KIF3A: variants seen among roughly 807,000 people sequenced by gnomAD.
KIF3A encodes the protein kinesin family member 3A, also known as kinesin-like protein KIF3A.
Under a neutral mutation model 92.6 loss-of-function variants are expected in KIF3A, and 27 were observed. That is an observed-to-expected ratio of 0.29 (90% CI 0.21 to 0.40). KIF3A has a LOEUF of 0.40. Ranked by LOEUF, KIF3A falls within the 10% of genes least tolerant of loss-of-function variation. KIF3A has a pLI of 1.00. For missense variants in KIF3A, 581 were observed against 872.6 expected, an observed-to-expected ratio of 0.67 and a Z score of 4.21; for synonymous variants, 250 against 275.4, an observed-to-expected ratio of 0.91 and a Z score of 0.92.
intron 15 of KIF3A, 45 bp from the exon 16 acceptor site, chr5:132,700,745 A>G (rs766583871): frequency 1.6e-6 from 2 of 1,218,204 alleles, no homozygotes; most frequent in Non-Finnish European, 2.4e-6. Context: ...ATTTAATAAC[A>G]TCTAAAATAT....
Position 132,696,456 on chromosome 5 carries a change from GTTATA to G in KIF3A, c.*173_*177del. On this transcript the variant is annotated 3_prime_UTR_variant, in exon 19 of 19. Transcript: ENST00000403231. The stretch of plus-strand genomic sequence containing the variant: ...CAATCACCAGTTGTACAATTTTAAT[GTTATA>G]TTAATATATGTAGACTAAAAGTTCT... 5.4e-6 allele frequency: 3 copies of G among 550,710 alleles called. No homozygotes were observed. Among genetic ancestry groups the G allele is most frequent in the East Asian group, 3.0e-5 (1 of 33,854 alleles). 34.1% of individuals were successfully genotyped at this position (550,710 alleles called of 1,614,324 possible). A position where few individuals can be genotyped will look rare whatever the true frequency, so the allele number is the denominator to read the frequency against.
Position 132,730,514 on chromosome 5 carries a change from CG to C in KIF3A, c.280+3690del, listed in dbSNP as rs1754192775. The stretch of plus-strand genomic sequence containing the variant: ...AAAAAATAGATAACCTGGCCGGGCA[CG>C]GTAGCTCATGTCTGTAATCCCAGTG... On this transcript the variant is annotated intron_variant, in intron 2 of 18. Transcript: ENST00000403231. Among the ~76,000 whole-genome samples the C allele has an allele frequency of 4.0e-5, 6 of 150,876 alleles. 2 individuals are homozygous for C. In the South Asian group the frequency reaches 1.3e-3, roughly 32 times the overall value.
rs543368160 is a variant in KIF3A, at chr5:132,714,193, C to T, written c.1129+1564G>A. 3.3e-5 allele frequency among the ~76,000 whole-genome samples: 5 copies of T among 152,024 alleles called. No individual in the cohort carries two copies. In the East Asian group the frequency reaches 5.8e-4, roughly 18 times the overall value. Reference sequence around the variant, plus strand: ...ATTACAAGCGTGAGCCACTGCGCCCCACCAATTCCGCTTTCGTAAGATACC... The same window carrying T: ...ATTACAAGCGTGAGCCACTGCGCCCTACCAATTCCGCTTTCGTAAGATACC... On this transcript the variant is annotated intron_variant, in intron 8 of 18. Transcript: ENST00000403231.
Position 132,716,237 on chromosome 5 carries a change from AG to A in KIF3A, c.954+7del, listed in dbSNP as rs1753617179. On this transcript the variant is annotated splice_region_variant and intron_variant, in intron 7 of 18. Transcript: ENST00000403231. ...CTGATGTTAACTATATCACCAATTA[AG>A]TCTTACCATCATGGTTTTTGAATTT... The A allele has an allele frequency of 6.2e-7, 1 of 1,603,600 alleles. No individual in the cohort carries two copies. The highest frequency in any genetic ancestry group is 1.3e-5 in the African/African-American group (1 of 74,698).
At chr5:132,724,034 C>A (rs1181747194) in intron 4 of KIF3A, among the ~76,000 whole-genome samples, 5 of 152,078 alleles carry the variant, frequency 3.3e-5, no homozygotes, top group Non-Finnish European at 5.9e-5. Flanking sequence ...ATGCAGCCAA[C>A]AGACACATGA....
intron 8 of KIF3A, among the ~76,000 whole-genome samples, chr5:132,713,692 C>G (rs1753510193): frequency 6.6e-6 from 1 of 152,014 alleles, no homozygotes; most frequent in African/African-American, 2.4e-5. Flanking sequence ...CAGCATTATT[C>G]ACAATAGCCA....
At chr5:132,707,130 CTT>C (rs796197058) in intron 10 of KIF3A, among the ~76,000 whole-genome samples, 2 of 144,046 alleles carry the variant, frequency 1.4e-5, no homozygotes, top group African/African-American at 2.5e-5. Context: ...GGATTAAGGG[CTT>C]TTTTTTTTTT....
At chr5:132,710,137 G>A (rs1336783708) in intron 9 of KIF3A, among the ~76,000 whole-genome samples, 1 of 152,114 alleles carries the variant, frequency 6.6e-6, no homozygotes, top group Non-Finnish European at 1.5e-5. Context: ...ATAATAAACA[G>A]TCTTAATTCA....
At chr5:132,726,063 A>C in intron 4 of KIF3A, 65 bp downstream of exon 4, 1 of 1,122,618 alleles carries the variant, frequency 8.9e-7, no homozygotes, top group Non-Finnish European at 1.3e-6. Context: ...AAGAAGGGGG[A>C]CCTTAATTTA....
chr5:132,711,458 G>A (rs1236556031), intron 8 of KIF3A, among the ~76,000 whole-genome samples: 1 of 152,182 alleles, frequency 6.6e-6, no homozygotes, highest in East Asian at 1.9e-4. Context: ...TGGGCTTGGT[G>A]GCATGCACCT....
intron 8 of KIF3A, among the ~76,000 whole-genome samples, chr5:132,714,686 T>C (rs1753557630): frequency 1.3e-5 from 2 of 152,294 alleles, no homozygotes; most frequent in African/African-American, 4.8e-5. Context: ...GAAAAATTTC[T>C]AGAAATGAAT....
chr5:132,691,078 T>C (rs565446248), downstream of KIF3A, among the ~76,000 whole-genome samples: 9 of 152,338 alleles, frequency 5.9e-5, no homozygotes, highest in East Asian at 1.5e-3. Context: ...ATAACCCAAG[T>C]AATGTTATTG....
chr5:132,719,331 AT>A lies in KIF3A; in HGVS notation c.616+1277del, dbSNP rs755180970. Among the ~76,000 whole-genome samples, 9 of 151,944 alleles carry A rather than the reference AT, an allele frequency of 5.9e-5. No homozygotes were observed. The East Asian group carries it at 9.6e-4, about 16-fold the overall frequency. ...CGAATAACATACATATTTTTTGCTA[AT>A]TTTTCTATTAAGATTTGGTCTTTTT... On this transcript the variant is annotated intron_variant, in intron 5 of 18. Transcript: ENST00000403231.
intron 1 of KIF3A, chr5:132,736,708 C>T (rs552127983): frequency 7.0e-6 from 3 of 430,036 alleles, no homozygotes; most frequent in South Asian, 5.2e-5. Flanking sequence ...GTAAAGTTTA[C>T]ATGGGAACTA....
intron 12 of KIF3A, 51 bp from the exon 13 acceptor site, chr5:132,703,116 A>G: frequency 6.9e-7 from 1 of 1,456,604 alleles, no homozygotes; most frequent in Non-Finnish European, 9.3e-7. Flanking sequence ...CTATTATTCT[A>G]CTAATATCAT....
intron 10 of KIF3A, 84 bp downstream of exon 10, chr5:132,708,823 G>T: frequency 1.2e-6 from 1 of 814,872 alleles, no homozygotes; most frequent in Non-Finnish European, 2.0e-6. Flanking sequence ...TAATGACAGG[G>T]AGTGGTGCAG....
At chr5:132,711,851 T>C (rs1244836829) in intron 8 of KIF3A, among the ~76,000 whole-genome samples, 1 of 152,158 alleles carries the variant, frequency 6.6e-6, no homozygotes, top group Non-Finnish European at 1.5e-5. Flanking sequence ...AAGTGCTTAT[T>C]TGTACAAAGA....
Position 132,704,889 on chromosome 5 carries a change from A to T in KIF3A, c.1310-1270T>A, listed in dbSNP as rs557100981. ...TTTTTTCAGGAACTATGAAATGAAG[A>T]ATCATTAATAGGCTTTAACTCTTTA... On this transcript the variant is annotated intron_variant, in intron 11 of 18. Coordinates refer to ENST00000403231, the MANE Select transcript of KIF3A (RefSeq NM_001300791.2). Among the ~76,000 whole-genome samples, 7 of 152,102 alleles carry T rather than the reference A, an allele frequency of 4.6e-5. No homozygotes were observed. The South Asian group carries it at 8.3e-4, about 18-fold the overall frequency.
intron 8 of KIF3A, among the ~76,000 whole-genome samples, chr5:132,714,755 C>T (rs1045888733): frequency 6.6e-6 from 1 of 152,156 alleles, no homozygotes; most frequent in African/African-American, 2.4e-5. Flanking sequence ...GTACACTTAA[C>T]TAACAATGGT....
Sources: allele counts gnomAD v4.1 joint callset (sites outside exome capture counted in the v4.1 genomes callset), GRCh38; gene constraint gnomAD v4.1.1; transcripts MANE v1.5; gene names NCBI Gene and HGNC (gene_info 2026-07-23, HGNC 2026-07-21).